Variants in NEK10 observed in about 807,000 individuals in gnomAD.
The protein encoded by NEK10 is NIMA related kinase 10, also known as serine/threonine-protein kinase Nek10.
Under a neutral mutation model 159.8 loss-of-function variants are expected in NEK10, and 122 were observed. That is an observed-to-expected ratio of 0.76 (90% CI 0.66 to 0.89). The LOEUF is 0.89. NEK10 is among the 40% of genes least tolerant of loss of function. The probability of loss-of-function intolerance (pLI) is 0.00; values close to 1 mark genes in which losing one functional copy is unlikely to be tolerated. For synonymous variants in NEK10, 466 were observed against 457.1 expected (o/e 1.02, Z -0.25); for missense variants, 1,342 against 1,323.1 (o/e 1.01, Z -0.22).
At chr3:27,278,733 T>C in intron 22 of NEK10, 1 of 984,954 alleles carries the variant, frequency 1.0e-6, no homozygotes, top group Non-Finnish European at 1.2e-6. Flanking sequence ...ATGGAAGGTT[T>C]ACATTAAAAT....
At chr3:27,289,267 C>T (rs978658599) in intron 19 of NEK10, among the ~76,000 whole-genome samples, 2 of 152,158 alleles carry the variant, frequency 1.3e-5, no homozygotes, top group Non-Finnish European at 2.9e-5. Flanking sequence ...ACTGTGAGTC[C>T]TCTTTCTAAG....
At chr3:27,237,791 T>A (rs574137745) in intron 23 of NEK10, among the ~76,000 whole-genome samples, 15 of 152,218 alleles carry the variant, frequency 9.9e-5, no homozygotes, top group Middle Eastern at 3.4e-3. Flanking sequence ...CAAAACCACC[T>A]GTACCCCAAA....
intron 5 of NEK10, among the ~76,000 whole-genome samples, chr3:27,338,958 A>G (rs574525943): frequency 1.3e-5 from 2 of 152,206 alleles, no homozygotes; most frequent in Non-Finnish European, 2.9e-5. Flanking sequence ...ATAATATACT[A>G]AAAACTTCTG....
intron 6 of NEK10, among the ~76,000 whole-genome samples, chr3:27,318,348 A>G (rs1044335400): frequency 6.6e-6 from 1 of 152,026 alleles, no homozygotes; most frequent in African/African-American, 2.4e-5. Flanking sequence ...AGAATTGAAG[A>G]GCTCCATTAT....
chr3:27,187,254 C>G (rs1395469448), intron 26 of NEK10, among the ~76,000 whole-genome samples: 1 of 152,140 alleles, frequency 6.6e-6, no homozygotes, highest in East Asian at 1.9e-4. Context: ...GATGCTTAAG[C>G]TTTCTCCTGT....
intron 6 of NEK10, among the ~76,000 whole-genome samples, chr3:27,314,981 A>C (rs1221409989): frequency 2.0e-5 from 3 of 152,218 alleles, no homozygotes; most frequent in African/African-American, 7.2e-5. Flanking sequence ...TATTAGACCC[A>C]TGCTCTAAAT....
intron 27 of NEK10, 29 bp from the exon 28 acceptor site, chr3:27,174,554 C>A (rs1947319333): frequency 6.2e-7 from 1 of 1,601,140 alleles, no homozygotes; most frequent in Admixed American, 1.8e-5. Context: ...AATAAAAAAG[C>A]AAATGAGTCT....
chr3:27,162,812 C>T, intron 29 of NEK10, 74 bp from the exon 30 acceptor site: 1 of 1,598,600 alleles, frequency 6.3e-7, no homozygotes, highest in Middle Eastern at 1.7e-4. Flanking sequence ...CTACATCTTG[C>T]TATGGTCTAC....
intron 19 of NEK10, among the ~76,000 whole-genome samples, chr3:27,288,533 C>G (rs982779947): frequency 2.0e-5 from 3 of 152,202 alleles, no homozygotes; most frequent in Non-Finnish European, 2.9e-5. Flanking sequence ...GAGTCCCCAG[C>G]TGTCCAGTCC....
At position 27,281,962 on chromosome 3, in the gene NEK10, C is replaced by T. The variant is rs376740058; in HGVS notation, c.2014+2640G>A. On this transcript the variant is annotated intron_variant, in intron 22 of 35. Coordinates refer to ENST00000691995, the MANE Select transcript of NEK10 (RefSeq NM_001394966.1). ...TAATAGGTACAAAGAAAACTGGGAA[C>T]ACAAACAAAAAAGAAGGCAATCATT... is the stretch of plus-strand genomic sequence containing the variant. Among the ~76,000 whole-genome samples the T allele has an allele frequency of 7.2e-4, 109 of 152,122 alleles. 2 individuals carry two copies. In the South Asian group the frequency reaches 0.012, roughly 17 times the overall value.
At chr3:27,111,438 A>G in intron 35 of NEK10, 118 bp from the exon 36 acceptor site, 1 of 773,666 alleles carries the variant, frequency 1.3e-6, no homozygotes, top group Non-Finnish European at 2.0e-6. Flanking sequence ...AAATAAAAAG[A>G]CGATTATTTT....
chr3:27,221,706 C>A (rs1227354719), intron 23 of NEK10, among the ~76,000 whole-genome samples: 1 of 152,200 alleles, frequency 6.6e-6, no homozygotes, highest in Non-Finnish European at 1.5e-5. Context: ...AGACTTGGTA[C>A]ACAGCTAGTA....
At chr3:27,194,090 G>C (rs1367137167) in intron 25 of NEK10, 2 of 151,462 alleles carry the variant, frequency 1.3e-5, no homozygotes, top group East Asian at 3.9e-4. Context: ...TCGTTGCTCT[G>C]AAATGACTCC....
At chr3:27,344,245 A>T (rs1395716800) in intron 5 of NEK10, 27 bp downstream of exon 5, 1 of 1,107,874 alleles carries the variant, frequency 9.0e-7, no homozygotes, top group Non-Finnish European at 1.4e-6. Context: ...TCTTCAGTAA[A>T]AGCCTGTTTT....
Position 27,125,892 on chromosome 3 carries a change from C to T in NEK10, c.3081+5988G>A, listed in dbSNP as rs140050970. Among the ~76,000 whole-genome samples the T allele has an allele frequency of 1.4e-4, 22 of 152,256 alleles. No homozygotes were observed. The East Asian group carries it at 4.1e-3, about 28-fold the overall frequency. The stretch of plus-strand genomic sequence containing the variant: ...GTTCTACACTACTTACAACCAGGAG[C>T]TCATCCTCCCAGGAACTTGACTCAA... On this transcript the variant is annotated intron_variant, in intron 32 of 35. Coordinates refer to ENST00000691995, the MANE Select transcript of NEK10 (RefSeq NM_001394966.1).
chr3:27,187,739 C>T (rs556713974), intron 26 of NEK10, among the ~76,000 whole-genome samples: 19 of 145,838 alleles, frequency 1.3e-4, no homozygotes, highest in Admixed American at 7.7e-4. Flanking sequence ...CCAGCCTGGG[C>T]GACAGAGTGA....
At chr3:27,174,874 T>A (rs1314804743) in intron 26 of NEK10, 41 bp from the exon 27 acceptor site, 1 of 1,494,078 alleles carries the variant, frequency 6.7e-7, no homozygotes, top group African/African-American at 1.4e-5. Flanking sequence ...TCTTTCTCTA[T>A]CCTTCCTTCT....
intron 26 of NEK10, among the ~76,000 whole-genome samples, chr3:27,186,480 C>T (rs1424228347): frequency 2.6e-5 from 4 of 152,222 alleles, no homozygotes; most frequent in Non-Finnish European, 5.9e-5. Context: ...AAGTGCAAGC[C>T]TCCTTGTTTT....
chr3:27,261,023 T>C (rs1400293982), intron 22 of NEK10, among the ~76,000 whole-genome samples: 1 of 152,224 alleles, frequency 6.6e-6, no homozygotes, highest in Non-Finnish European at 1.5e-5. Flanking sequence ...GTGTTTATAG[T>C]ATTCTCTGAT....
Sources: allele counts gnomAD v4.1 joint callset (sites outside exome capture counted in the v4.1 genomes callset), GRCh38; gene constraint gnomAD v4.1.1; transcripts MANE v1.5; gene names NCBI Gene and HGNC (gene_info 2026-07-23, HGNC 2026-07-21).